Variants in PSD3 observed in about 807,000 individuals in gnomAD.
PSD3 encodes the protein pleckstrin and Sec7 domain containing 3, also known as PH and SEC7 domain-containing protein 3.
PSD3 carries 49 observed loss-of-function variants against 105.5 expected under a neutral mutation model. That is an observed-to-expected ratio of 0.46 (90% CI 0.37 to 0.59). The LOEUF (loss-of-function observed/expected upper bound fraction) is 0.59. Among genes scored for constraint, PSD3 ranks in the 20% least tolerant of loss-of-function variants. The probability of loss-of-function intolerance (pLI) is 0.00; values close to 1 mark genes in which losing one functional copy is unlikely to be tolerated. For missense variants in PSD3, 1,561 were observed against 1,263.8 expected (o/e 1.24, Z -3.57); for synonymous variants, 557 against 457.8 (o/e 1.22, Z -2.77).
intron 15 of PSD3, among the ~76,000 whole-genome samples, chr8:18,540,911 C>G (rs1330233911): frequency 6.6e-6 from 1 of 152,108 alleles, no homozygotes; most frequent in East Asian, 1.9e-4. Flanking sequence ...TTGAATCTGC[C>G]TCCATGGCAC....
chr8:19,064,825 C>A (rs1829023629), intron 1 of PSD3, among the ~76,000 whole-genome samples: 1 of 152,128 alleles, frequency 6.6e-6, no homozygotes, highest in Non-Finnish European at 1.5e-5. Context: ...CAAGAACTTG[C>A]TAGAATCAAT....
chr8:18,847,548 G>T (rs1174158488), intron 4 of PSD3, among the ~76,000 whole-genome samples: 3 of 152,086 alleles, frequency 2.0e-5, no homozygotes, highest in Non-Finnish European at 4.4e-5. Context: ...GATCCTAACT[G>T]GTCACAAATA....
intron 12 of PSD3, among the ~76,000 whole-genome samples, chr8:18,589,475 T>C (rs1297145305): frequency 6.6e-6 from 1 of 152,226 alleles, no homozygotes; most frequent in East Asian, 1.9e-4. Flanking sequence ...TGCTCCAATA[T>C]TCCTTACCTG....
intron 1 of PSD3, among the ~76,000 whole-genome samples, chr8:19,047,839 C>A (rs1332906380): frequency 6.6e-6 from 1 of 152,118 alleles, no homozygotes; most frequent in Non-Finnish European, 1.5e-5. Context: ...TGCACGGGAG[C>A]CTGTTGCAGT....
intron 9 of PSD3, among the ~76,000 whole-genome samples, chr8:18,732,132 T>C (rs778196384): frequency 6.6e-6 from 1 of 151,378 alleles, no homozygotes; most frequent in Admixed American, 6.6e-5. Context: ...CTGCTTCAAG[T>C]GAGGACAAAT....
At chr8:18,918,453 G>C (rs1416415619) in intron 2 of PSD3, among the ~76,000 whole-genome samples, 1 of 152,092 alleles carries the variant, frequency 6.6e-6, no homozygotes, top group Non-Finnish European at 1.5e-5. Context: ...TTACTTGCCT[G>C]TTTCTCCAAC....
chr8:18,569,074 T>C (rs1330655819), intron 14 of PSD3, among the ~76,000 whole-genome samples: 4 of 131,736 alleles, frequency 3.0e-5, no homozygotes, highest in African/African-American at 1.1e-4. Context: ...CCATGGTGTA[T>C]ATGTGCCACA....
At chr8:18,627,731 C>G (rs1308184982) in intron 11 of PSD3, among the ~76,000 whole-genome samples, 1 of 150,758 alleles carries the variant, frequency 6.6e-6, no homozygotes, top group Non-Finnish European at 1.5e-5. Flanking sequence ...TAGATGAATA[C>G]AACTAAAAGT....
At chr8:18,893,496 T>C (rs980304752) in intron 2 of PSD3, among the ~76,000 whole-genome samples, 1 of 152,236 alleles carries the variant, frequency 6.6e-6, no homozygotes, top group Non-Finnish European at 1.5e-5. Flanking sequence ...TTTTTATTTA[T>C]TTTTTCTTTC....
intron 4 of PSD3, among the ~76,000 whole-genome samples, chr8:18,866,427 C>T (rs990715277): frequency 6.6e-6 from 1 of 152,218 alleles, no homozygotes; most frequent in Non-Finnish European, 1.5e-5. Context: ...GCTTTAGTCT[C>T]TATTAACCCT....
rs1376845562 is a variant in PSD3 at position 18,530,567 on chromosome 8, A to G, written c.*5176T>C. On this transcript the variant is annotated 3_prime_UTR_variant, in exon 16 of 16. Transcript: ENST00000327040. ...CGAAAGCTATATTTTTTATGGACTA[A>G]TTACAACAACAATAAAGAACGTGTG... 6.6e-6 allele frequency: 1 copy of G among 152,662 alleles called. No homozygotes were observed. The highest frequency in any genetic ancestry group is 1.5e-5 in the Non-Finnish European group (1 of 68,048). 9.5% of individuals were successfully genotyped at this position (152,662 alleles called of 1,614,324 possible).
chr8:18,565,279 C>T (rs1043852328), intron 14 of PSD3, among the ~76,000 whole-genome samples: 2 of 151,900 alleles, frequency 1.3e-5, no homozygotes, highest in South Asian at 2.1e-4. Flanking sequence ...TGAACAGGGC[C>T]GGCCATGCAT....
chr8:19,054,331 G>C (rs1416848048), intron 1 of PSD3, among the ~76,000 whole-genome samples: 1 of 152,188 alleles, frequency 6.6e-6, no homozygotes, highest in African/African-American at 2.4e-5. Context: ...TTATCTGTGA[G>C]AGTATCCCGT....
chr8:18,620,766 G>C (rs1467730680), intron 11 of PSD3, among the ~76,000 whole-genome samples: 4 of 152,132 alleles, frequency 2.6e-5, no homozygotes, highest in South Asian at 2.1e-4. Context: ...ATTAACATTA[G>C]TGATAACATC....
chr8:18,539,746 C>T (rs1800050025), intron 15 of PSD3, among the ~76,000 whole-genome samples: 1 of 151,858 alleles, frequency 6.6e-6, no homozygotes, highest in Non-Finnish European at 1.5e-5. Context: ...CAGGATTTCA[C>T]CATGTTGGCC....
At chr8:18,735,178 G>T (rs1229376098) in intron 9 of PSD3, among the ~76,000 whole-genome samples, 1 of 152,154 alleles carries the variant, frequency 6.6e-6, no homozygotes, top group Non-Finnish European at 1.5e-5. Context: ...GATCATCAGT[G>T]GGGCTGTAGT....
At chr8:18,722,172 ATTTTAAC>A (rs1803026200) in intron 9 of PSD3, among the ~76,000 whole-genome samples, 1 of 151,818 alleles carries the variant, frequency 6.6e-6, no homozygotes, top group African/African-American at 2.4e-5. Flanking sequence ...CATTTAAAAC[ATTTTAAC>A]TTTACTACCC....
chr8:19,044,499 T>C (rs1410055845), intron 1 of PSD3, among the ~76,000 whole-genome samples: 1 of 152,246 alleles, frequency 6.6e-6, no homozygotes, highest in Non-Finnish European at 1.5e-5. Context: ...GATTGTTGAA[T>C]AGATTAAATA....
At chr8:18,788,787 A>G (rs1287727724) in intron 8 of PSD3, among the ~76,000 whole-genome samples, 1 of 152,174 alleles carries the variant, frequency 6.6e-6, no homozygotes, top group Non-Finnish European at 1.5e-5. Context: ...AAGGCATACT[A>G]CTGATTTGGT....
Sources: allele counts gnomAD v4.1 joint callset (sites outside exome capture counted in the v4.1 genomes callset), GRCh38; gene constraint gnomAD v4.1.1; transcripts MANE v1.5; gene names NCBI Gene and HGNC (gene_info 2026-07-23, HGNC 2026-07-21).